TENM2: variants seen among roughly 807,000 people sequenced by gnomAD.
TENM2 encodes the protein teneurin-2.
TENM2 carries 52 observed loss-of-function variants against 245.2 expected under a neutral mutation model. That is an observed-to-expected ratio of 0.21 (90% CI 0.17 to 0.27). The LOEUF (loss-of-function observed/expected upper bound fraction) is 0.27, where lower values mean the gene tolerates loss of function less well. Ranked by LOEUF, TENM2 falls within the 10% of genes least tolerant of loss-of-function variation. TENM2 has a pLI of 1.00. For synonymous variants in TENM2, 1,363 were observed against 1,438.9 expected (o/e 0.95, Z 1.19); for missense variants, 3,046 against 3,666.8 (o/e 0.83, Z 4.37).
chr5:167,350,983 G>GATAT (rs575506311), intron 1 of TENM2, among the ~76,000 whole-genome samples: 2 of 30,474 alleles, frequency 6.6e-5, no homozygotes, highest in African/African-American at 8.8e-5. Context: ...TATACATATG[G>GATAT]ATATATATAT....
At chr5:167,145,366 A>G in the TENM2 span, among the ~76,000 whole-genome samples, 2 of 152,290 alleles carry the variant, frequency 1.3e-5, no homozygotes, top group Non-Finnish European at 2.9e-5. Flanking sequence ...TTTCTCACCC[A>G]TAAAACGAGA....
intron 1 of TENM2, among the ~76,000 whole-genome samples, chr5:167,322,994 C>T (rs1258229462): frequency 1.3e-5 from 2 of 152,238 alleles, no homozygotes; most frequent in African/African-American, 4.8e-5. Flanking sequence ...TATGATATCA[C>T]TTAAAAATGT....
At chr5:166,987,822 T>G in the TENM2 span, among the ~76,000 whole-genome samples, 1 of 152,300 alleles carries the variant, frequency 6.6e-6, no homozygotes, top group East Asian at 1.9e-4. Context: ...AGAAGGGGTT[T>G]TGGAAAAATG....
intron 7 of TENM2, among the ~76,000 whole-genome samples, chr5:168,078,113 C>T (rs183054392): frequency 8.5e-5 from 13 of 152,222 alleles, no homozygotes; most frequent in African/African-American, 2.9e-4. Context: ...TTTTAATGAT[C>T]GCCATTCTAA....
At chr5:167,284,881 G>A (rs1322943862) in exon 1 of TENM2, 2 of 1,551,762 alleles carry the variant, frequency 1.3e-6, no homozygotes, top group Non-Finnish European at 1.7e-6. Context: ...ACCAGAGGAC[G>A]CTGTGGCAAA....
intron 3 of TENM2, among the ~76,000 whole-genome samples, chr5:167,914,980 G>A (rs1053243151): frequency 1.3e-5 from 2 of 152,174 alleles, no homozygotes; most frequent in Admixed American, 1.3e-4. Flanking sequence ...GTCACGTTGT[G>A]TGGTCCTAGG....
Position 168,237,000 on chromosome 5 carries a change from A to AT in TENM2, c.5521-7387dup, listed in dbSNP as rs1167021328. Reference sequence around the variant, plus strand: ...TATATATATATATATATATATATATATTTTTTTTTTTTTTTTTTTTTTTTT... The same window carrying AT: ...TATATATATATATATATATATATATATTTTTTTTTTTTTTTTTTTTTTTTTT... On this transcript the variant is annotated intron_variant, in intron 25 of 28. Coordinates refer to ENST00000518659, the Ensembl canonical transcript of TENM2. Among the ~76,000 whole-genome samples, 2 of 6,320 alleles carry AT rather than the reference A, an allele frequency of 3.2e-4. 1 individual carries two copies. The highest frequency in any genetic ancestry group is 4.6e-4 in the Non-Finnish European group (2 of 4,310). The allele number at this position is 6,320 out of a possible 152,430, so 4.1% of individuals were successfully genotyped here.
Position 168,006,617 on chromosome 5 carries a change from A to T in TENM2, c.1186+13435A>T, listed in dbSNP as rs1481927687. Among the ~76,000 whole-genome samples the T allele has an allele frequency of 2.0e-5, 3 of 152,324 alleles. No individual in the cohort carries two copies. In the East Asian group the frequency reaches 5.8e-4, roughly 29 times the overall value. Reference sequence around the variant, plus strand: ...TGTGACAGGCACAAGGCTCTTCAGTATGAAGAGTAGTGAGGCCTCAGAAAT... The same window carrying T: ...TGTGACAGGCACAAGGCTCTTCAGTTTGAAGAGTAGTGAGGCCTCAGAAAT... On this transcript the variant is annotated intron_variant, in intron 5 of 28. Coordinates refer to ENST00000518659, the Ensembl canonical transcript of TENM2.
rs12517909 is a variant in TENM2, at chr5:167,485,579, G to A, written c.502+110106G>A. 3.3e-5 allele frequency among the ~76,000 whole-genome samples: 5 copies of A among 152,220 alleles called. 1 individual carries two copies. The highest frequency in any genetic ancestry group is 6.8e-3 in the Middle Eastern group (2 of 294). ...ATGAGTATGGAATTTGGGGCAGGAG[G>A]GGGGCAGGGAAATATATACCTTCGC... On this transcript the variant is annotated intron_variant, in intron 2 of 28. Transcript: ENST00000518659.
chr5:168,220,192 G>A (rs1336475958), intron 23 of TENM2, among the ~76,000 whole-genome samples: 2 of 152,140 alleles, frequency 1.3e-5, no homozygotes, highest in Non-Finnish European at 2.9e-5. Context: ...TTAGGCTGAA[G>A]CTATACACTC....
the TENM2 span, among the ~76,000 whole-genome samples, chr5:167,142,113 G>A: frequency 4.6e-5 from 7 of 152,054 alleles, no homozygotes; most frequent in African/African-American, 1.4e-4. Flanking sequence ...ATTAAAAAAC[G>A]GAAAAAGCTG....
chr5:167,277,685 C>T, the TENM2 span, among the ~76,000 whole-genome samples: 5 of 152,048 alleles, frequency 3.3e-5, no homozygotes, highest in Non-Finnish European at 4.4e-5. Flanking sequence ...CTTAAATATT[C>T]TATTAATTTT....
chr5:167,638,076 G>C (rs1779321181), intron 2 of TENM2, among the ~76,000 whole-genome samples: 1 of 149,572 alleles, frequency 6.7e-6, no homozygotes, highest in South Asian at 2.1e-4. Flanking sequence ...GGACTATAAA[G>C]ACAGAACAGG....
the TENM2 span, among the ~76,000 whole-genome samples, chr5:167,140,478 A>T: frequency 1.3e-5 from 2 of 152,114 alleles, no homozygotes; most frequent in African/African-American, 4.8e-5. Context: ...CTCAGCTAAT[A>T]CCTGCCGCTC....
In TENM2 at chr5:168,032,496, C is replaced by T. The variant is rs555225032; in HGVS notation, c.1187-14931C>T. Among the ~76,000 whole-genome samples the T allele has an allele frequency of 1.2e-3, 189 of 152,214 alleles. 1 individual carries two copies. Among genetic ancestry groups the T allele is most frequent in the African/African-American group, 4.4e-3 (182 of 41,544 alleles). On this transcript the variant is annotated intron_variant, in intron 5 of 28. Coordinates refer to ENST00000518659, the Ensembl canonical transcript of TENM2. ...TAGGGCAGGGGAGGAGGTTAGGACTCTTAGATTTGAATAGCTTTGAGACTC... is the reference window on the plus strand; with the variant it reads ...TAGGGCAGGGGAGGAGGTTAGGACTTTTAGATTTGAATAGCTTTGAGACTC...
intron 2 of TENM2, among the ~76,000 whole-genome samples, chr5:167,744,070 G>A (rs912697977): frequency 3.9e-5 from 6 of 152,162 alleles, no homozygotes; most frequent in Non-Finnish European, 8.8e-5. Flanking sequence ...ACCAGCAGAA[G>A]CTAAAACTTA....
intron 1 of TENM2, among the ~76,000 whole-genome samples, chr5:167,338,101 G>T (rs964997307): frequency 1.3e-5 from 2 of 152,166 alleles, no homozygotes; most frequent in South Asian, 4.1e-4. Context: ...TGTTACAAAA[G>T]GTCAACATGC....
At chr5:167,196,324 C>G in the TENM2 span, among the ~76,000 whole-genome samples, 1 of 151,652 alleles carries the variant, frequency 6.6e-6, no homozygotes, top group Non-Finnish European at 1.5e-5. Context: ...TCTCATTGAC[C>G]GAAATGTCAT....
At chr5:167,532,824 G>GTATATATA (rs1470026065) in intron 2 of TENM2, among the ~76,000 whole-genome samples, 4 of 96,644 alleles carry the variant, frequency 4.1e-5, no homozygotes, top group African/African-American at 1.9e-4. Flanking sequence ...GTGTGTGTGT[G>GTATATATA]TGTATATATA....
Sources: gnomAD v4.1 joint callset for allele counts (sites outside exome capture counted in the v4.1 genomes callset) on GRCh38, gnomAD v4.1.1 for gene constraint, MANE v1.5 for transcripts, NCBI Gene and HGNC (gene_info 2026-07-23, HGNC 2026-07-21) for gene names.